The following SH3GL2 variants were observed in gnomAD, a reference collection of about 807,000 sequenced individuals.
SH3GL2 encodes the protein SH3 domain containing GRB2 like 2, endophilin A1, also known as endophilin-A1.
In SH3GL2, 24 loss-of-function variants were observed where a neutral mutation model predicts 46.0. The observed-to-expected ratio is 0.52, with a 90% CI of 0.38 to 0.73. The LOEUF is 0.73. Ranked by LOEUF, SH3GL2 falls within the 30% of genes least tolerant of loss-of-function variation. The probability of loss-of-function intolerance (pLI) is 0.00; values close to 1 mark genes in which losing one functional copy is unlikely to be tolerated. For missense variants in SH3GL2, 413 were observed against 424.2 expected (o/e 0.97, Z 0.23); for synonymous variants, 196 against 147.1 (o/e 1.33, Z -2.40).
intron 1 of SH3GL2, among the ~76,000 whole-genome samples, chr9:17,688,965 A>G (rs545339341): frequency 6.6e-6 from 1 of 152,184 alleles, no homozygotes; most frequent in Non-Finnish European, 1.5e-5. Flanking sequence ...CTTGAAGCAT[A>G]CAGAATGGAG....
At chr9:17,672,207 T>A (rs1008942266) in intron 1 of SH3GL2, among the ~76,000 whole-genome samples, 1 of 152,202 alleles carries the variant, frequency 6.6e-6, no homozygotes, top group African/African-American at 2.4e-5. Context: ...CATACAGATA[T>A]GTATGTAGTG....
chr9:17,755,037 TGA>T (rs1340731595), intron 2 of SH3GL2, among the ~76,000 whole-genome samples: 3 of 152,122 alleles, frequency 2.0e-5, no homozygotes, highest in Admixed American at 2.0e-4. Context: ...ATAGGAGGGG[TGA>T]GAGAGGGCAT....
chr9:17,581,187 TC>T (rs1421159046), intron 1 of SH3GL2, among the ~76,000 whole-genome samples: 1 of 152,246 alleles, frequency 6.6e-6, no homozygotes, highest in African/African-American at 2.4e-5. Context: ...TTTTAGTTTT[TC>T]CAACTTAAAA....
At position 17,619,657 on chromosome 9, in the gene SH3GL2, A is replaced by G. The variant is rs572561950; in HGVS notation, c.45+40370A>G. 5.9e-5 allele frequency among the ~76,000 whole-genome samples: 9 copies of G among 152,044 alleles called. No individual in the cohort carries two copies. The South Asian group carries it at 6.2e-4, about 10-fold the overall frequency. ...TCACCATTGCGCTCTAGCCTGGGCAACAAGAGTGAAACTCCATCTCAAAAA... is the reference window on the plus strand; with the variant it reads ...TCACCATTGCGCTCTAGCCTGGGCAGCAAGAGTGAAACTCCATCTCAAAAA... On this transcript the variant is annotated intron_variant, in intron 1 of 8. Coordinates refer to ENST00000380607, the MANE Select transcript of SH3GL2 (RefSeq NM_003026.5).
intron 8 of SH3GL2, among the ~76,000 whole-genome samples, chr9:17,794,446 C>T (rs1003399578): frequency 2.0e-5 from 3 of 152,186 alleles, no homozygotes; most frequent in African/African-American, 7.2e-5. Flanking sequence ...CACTTCAGGG[C>T]ATGACATAAG....
intron 1 of SH3GL2, among the ~76,000 whole-genome samples, chr9:17,699,644 G>A (rs1026517236): frequency 1.3e-5 from 2 of 152,208 alleles, no homozygotes; most frequent in African/African-American, 4.8e-5. Flanking sequence ...GTCCAGTAGT[G>A]CTTGCTTTTG....
chr9:17,755,737 C>G, intron 2 of SH3GL2: 2 of 977,054 alleles, frequency 2.0e-6, no homozygotes, highest in African/African-American at 1.7e-5. Context: ...GAAATCATAT[C>G]TTTCAGTCCT....
At chr9:17,750,164 C>G (rs1216957690) in intron 2 of SH3GL2, among the ~76,000 whole-genome samples, 6 of 152,236 alleles carry the variant, frequency 3.9e-5, no homozygotes, top group South Asian at 2.1e-4. Flanking sequence ...TTTAGACTCT[C>G]AAATCTTTTC....
intron 1 of SH3GL2, chr9:17,590,174 T>G (rs867974190): frequency 6.6e-6 from 1 of 152,022 alleles, no homozygotes; most frequent in Admixed American, 6.6e-5. Context: ...TTCTTTCTAT[T>G]GAGTTAATGT....
chr9:17,672,321 C>T (rs946198753), intron 1 of SH3GL2, among the ~76,000 whole-genome samples: 1 of 152,088 alleles, frequency 6.6e-6, no homozygotes, highest in African/African-American at 2.4e-5. Context: ...CCACTTGCTT[C>T]ATGTTAAGAT....
chr9:17,764,235 C>T (rs992070119), intron 3 of SH3GL2, among the ~76,000 whole-genome samples: 10 of 152,266 alleles, frequency 6.6e-5, no homozygotes, highest in East Asian at 1.9e-4. Flanking sequence ...CAGAACAAAA[C>T]GAAAATTTTG....
chr9:17,632,926 G>A (rs1386726019), intron 1 of SH3GL2, among the ~76,000 whole-genome samples: 1 of 152,160 alleles, frequency 6.6e-6, no homozygotes, highest in Non-Finnish European at 1.5e-5. Flanking sequence ...ACTTATTGCT[G>A]AAACAAGTTT....
intron 1 of SH3GL2, among the ~76,000 whole-genome samples, chr9:17,583,429 C>T (rs1205955299): frequency 6.6e-6 from 1 of 152,126 alleles, no homozygotes; most frequent in Non-Finnish European, 1.5e-5. Flanking sequence ...GTCACCCTGT[C>T]CCCTTCCACC....
intron 2 of SH3GL2, among the ~76,000 whole-genome samples, chr9:17,755,104 A>G (rs1281563021): frequency 1.3e-5 from 2 of 152,084 alleles, no homozygotes; most frequent in African/African-American, 4.8e-5. Flanking sequence ...CCCATTCAGT[A>G]TGATGTTGGA....
chr9:17,621,438 C>G (rs1050177917), intron 1 of SH3GL2, among the ~76,000 whole-genome samples: 3 of 152,186 alleles, frequency 2.0e-5, no homozygotes, highest in Non-Finnish European at 4.4e-5. Flanking sequence ...TCATTCAATT[C>G]CTGCTTTTTG....
At chr9:17,781,955 G>A (rs974034639) in intron 3 of SH3GL2, among the ~76,000 whole-genome samples, 1 of 152,104 alleles carries the variant, frequency 6.6e-6, no homozygotes, top group African/African-American at 2.4e-5. Context: ...TGAGCACTCT[G>A]ACTCTCCACC....
intron 3 of SH3GL2, among the ~76,000 whole-genome samples, chr9:17,782,971 G>A (rs552590993): frequency 1.2e-4 from 18 of 152,102 alleles, no homozygotes; most frequent in African/African-American, 1.7e-4. Flanking sequence ...ATGGAAACAC[G>A]CAAGGAAGGG....
intron 1 of SH3GL2, among the ~76,000 whole-genome samples, chr9:17,729,509 G>A (rs1822115588): frequency 2.6e-5 from 4 of 152,010 alleles, no homozygotes; most frequent in Non-Finnish European, 5.9e-5. Context: ...CATTGCTTTT[G>A]GTGTTTTAGT....
intron 3 of SH3GL2, among the ~76,000 whole-genome samples, chr9:17,767,123 G>T (rs888515284): frequency 6.6e-6 from 1 of 152,152 alleles, no homozygotes; most frequent in Non-Finnish European, 1.5e-5. Context: ...TACATAAAAA[G>T]CAGCTTGAAT....
Sources: allele counts gnomAD v4.1 joint callset (sites outside exome capture counted in the v4.1 genomes callset), GRCh38; gene constraint gnomAD v4.1.1; transcripts MANE v1.5; gene names NCBI Gene and HGNC (gene_info 2026-07-23, HGNC 2026-07-21).